AXL: variants seen among roughly 807,000 people sequenced by gnomAD.
AXL encodes the protein AXL receptor tyrosine kinase.
AXL carries 52 observed loss-of-function variants against 104.5 expected under a neutral mutation model. The observed-to-expected ratio is 0.50, with a 90% confidence interval of 0.40 to 0.63. AXL has a LOEUF of 0.63. Ranked by LOEUF, AXL falls within the 20% of genes least tolerant of loss-of-function variation. The pLI is 0.00. For missense variants in AXL, 1,024 were observed against 1,188.5 expected (o/e 0.86, Z 2.04); for synonymous variants, 455 against 473.7 (o/e 0.96, Z 0.51).
intron 17 of AXL, among the ~76,000 whole-genome samples, chr19:41,255,805 C>T (rs945723730): frequency 2.6e-5 from 4 of 151,950 alleles, no homozygotes; most frequent in Admixed American, 6.6e-5. Flanking sequence ...AGTGCAGTGG[C>T]GTGATCTCAG....
In AXL at chr19:41,235,374, ATAGATAGATAGATAGATAGATAGATAG is replaced by A. The variant is rs1568411982; in HGVS notation, c.784-2569_784-2543del. 4.5e-5 allele frequency among the ~76,000 whole-genome samples: 6 copies of A among 134,596 alleles called. No individual in the cohort carries two copies. In the East Asian group the frequency reaches 7.0e-4, roughly 16 times the overall value. The allele number at this position is 134,596 out of a possible 152,430, so 88.3% of individuals were successfully genotyped here. A position where few individuals can be genotyped will look rare whatever the true frequency, so the allele number is the denominator to read the frequency against. Reference sequence around the variant, plus strand: ...CTCAAATAAATAAATAAATAAATAGATAGATAGATAGATAGATAGATAGATAGATAGATAGATAATAAATGACAGTAT... The same window carrying A: ...CTCAAATAAATAAATAAATAAATAGAATAGATAGATAATAAATGACAGTAT... On this transcript the variant is annotated intron_variant, in intron 6 of 19. Transcript: ENST00000301178.
intron 4 of AXL, among the ~76,000 whole-genome samples, chr19:41,224,580 C>T (rs1222807429): frequency 6.6e-6 from 1 of 152,146 alleles, no homozygotes; most frequent in African/African-American, 2.4e-5. Flanking sequence ...GACAGAGTCT[C>T]GCCATGTTGC....
chr19:41,228,128 C>G (rs1456678269), intron 4 of AXL, among the ~76,000 whole-genome samples: 2 of 152,182 alleles, frequency 1.3e-5, no homozygotes, highest in South Asian at 2.1e-4. Flanking sequence ...TTGGGTATCT[C>G]TGTGTGCTTG....
At chr19:41,256,358 G>A in intron 17 of AXL, 94 bp from the exon 18 acceptor site, 6 of 1,445,166 alleles carry the variant, frequency 4.2e-6, no homozygotes, top group South Asian at 3.7e-5. Flanking sequence ...AGGACAGTGA[G>A]GGGAGGAGGT....
In AXL at chr19:41,259,882, C is replaced by T. The variant is rs891633022; in HGVS notation, c.2663C>T (p.Pro888Leu). 2 of 1,591,244 alleles carry T rather than the reference C, an allele frequency of 1.3e-6. No homozygotes were observed. Among genetic ancestry groups the T allele is most frequent in the African/African-American group, 2.7e-5 (2 of 74,456 alleles). Residue 888 changes from proline to leucine, a missense_variant, in exon 20 of 20, where the codon CCA (proline) becomes CTA (leucine). Around this residue, in one of 5 missense-constraint regions of AXL, gnomAD observed 523 missense variants for 636.0 expected, o/e 0.82. Coordinates refer to ENST00000301178, the MANE Select transcript of AXL (RefSeq NM_021913.5). ...QPADRGSPAAPGQEDGA is the reference protein window; with the variant it reads ...QPADRGSPAALGQEDGA Reference sequence around the variant, plus strand: ...GCTGATAGGGGCTCCCCAGCAGCCCCAGGGCAGGAGGATGGTGCCTGAGAC... The same window carrying T: ...GCTGATAGGGGCTCCCCAGCAGCCCTAGGGCAGGAGGATGGTGCCTGAGAC...
chr19:41,226,771 A>G, intron 4 of AXL: 7 of 985,768 alleles, frequency 7.1e-6, no homozygotes, highest in Non-Finnish European at 8.4e-6. Flanking sequence ...CGCGTAAACA[A>G]CACGCAGAAC....
chr19:41,256,731 G>A (rs1383408321), intron 18 of AXL, 120 bp downstream of exon 18: 9 of 1,360,906 alleles, frequency 6.6e-6, no homozygotes, highest in Non-Finnish European at 9.1e-6. Context: ...CCCTTTGCAG[G>A]GGCTTGTCCA....
At chr19:41,235,454 T>A (rs2122228674) in intron 6 of AXL, among the ~76,000 whole-genome samples, 1 of 152,266 alleles carries the variant, frequency 6.6e-6, no homozygotes, top group South Asian at 2.1e-4. Flanking sequence ...AATGCTTACA[T>A]GCCCCAATTC....
chr19:41,229,880 G>A (rs554392318), intron 4 of AXL, among the ~76,000 whole-genome samples: 1 of 152,218 alleles, frequency 6.6e-6, no homozygotes, highest in Non-Finnish European at 1.5e-5. Context: ...GTGTCTAGCA[G>A]GTGTGTGTGC....
intron 6 of AXL, among the ~76,000 whole-genome samples, chr19:41,236,331 TAAAAAAAA>T (rs36010942): frequency 1.5e-4 from 15 of 102,098 alleles, no homozygotes; most frequent in African/African-American, 1.1e-4. Flanking sequence ...AGACTCTGTC[TAAAAAAAA>T]AAAAAAAAAA....
At chr19:41,235,695 C>T (rs192562835) in intron 6 of AXL, among the ~76,000 whole-genome samples, 26 of 152,232 alleles carry the variant, frequency 1.7e-4, no homozygotes. Context: ...GGTTTAGGTC[C>T]CAGCTTCATC....
At chr19:41,243,036 G>T (rs2034211222) in intron 11 of AXL, 21 bp downstream of exon 11, 1 of 1,613,984 alleles carries the variant, frequency 6.2e-7, no homozygotes, top group African/African-American at 1.3e-5. Context: ...ACCACATGGG[G>T]AGGCTGTGTG....
intron 17 of AXL, among the ~76,000 whole-genome samples, chr19:41,255,981 G>C (rs1332968925): frequency 1.3e-5 from 2 of 152,196 alleles, no homozygotes; most frequent in Admixed American, 1.3e-4. Flanking sequence ...CTGACCTCAA[G>C]TGATCCACCT....
intron 6 of AXL, among the ~76,000 whole-genome samples, chr19:41,235,655 A>G (rs553004212): frequency 1.3e-5 from 2 of 152,310 alleles, no homozygotes; most frequent in African/African-American, 2.4e-5. Context: ...TCTTACCGCC[A>G]GTAGAGCAAA....
chr19:41,235,365 A>C (rs983988877), intron 6 of AXL, among the ~76,000 whole-genome samples: 1 of 89,172 alleles, frequency 1.1e-5, no homozygotes, highest in Admixed American at 1.1e-4. Flanking sequence ...TAAATAAATA[A>C]ATAAATAGAT....
chr19:41,247,894 A>AT (rs1444057815), intron 12 of AXL, among the ~76,000 whole-genome samples: 1 of 138,344 alleles, frequency 7.2e-6, no homozygotes, highest in Non-Finnish European at 1.5e-5. Context: ...AAAAAGAAAT[A>AT]TTTTTATTTT....
chr19:41,257,207 C>A (rs554613948), intron 18 of AXL, among the ~76,000 whole-genome samples: 1 of 152,042 alleles, frequency 6.6e-6, no homozygotes, highest in Non-Finnish European at 1.5e-5. Flanking sequence ...CCATGCCTAG[C>A]TAATTTTTGT....
chr19:41,252,584 C>T (rs1006361815), intron 15 of AXL, 141 bp downstream of exon 15: 5 of 1,079,012 alleles, frequency 4.6e-6, no homozygotes, highest in Non-Finnish European at 6.7e-6. Context: ...GCTTCCCCCT[C>T]CTAGTCTCCC....
intron 6 of AXL, among the ~76,000 whole-genome samples, chr19:41,236,992 T>G (rs2034091811): frequency 6.6e-6 from 1 of 152,096 alleles, no homozygotes; most frequent in Non-Finnish European, 1.5e-5. Context: ...TAGCGTATTT[T>G]ATGTGTGGCC....
Sources: gnomAD v4.1 joint callset for allele counts (sites outside exome capture counted in the v4.1 genomes callset) on GRCh38, gnomAD v4.1.1 for gene constraint, gnomAD v4.1.1 regional missense constraint, MANE v1.5 for transcripts, NCBI Gene and HGNC (gene_info 2026-07-23, HGNC 2026-07-21) for gene names.